TENM2: variants seen among roughly 807,000 people sequenced by gnomAD.
The protein encoded by TENM2 is teneurin transmembrane protein 2.
In TENM2, 52 loss-of-function variants were observed where a neutral mutation model predicts 245.2. That is an observed-to-expected ratio of 0.21 (90% CI 0.17 to 0.27). The LOEUF is 0.27. Ranked by LOEUF, TENM2 falls within the 10% of genes least tolerant of loss-of-function variation. The pLI, the probability that TENM2 is intolerant of heterozygous loss-of-function variation, is 1.00. For synonymous variants in TENM2, 1,363 were observed against 1,438.9 expected (o/e 0.95, Z 1.19); for missense variants, 3,046 against 3,666.8 (o/e 0.83, Z 4.37).
chr5:168,133,598 T>C (rs1225004981), intron 12 of TENM2, among the ~76,000 whole-genome samples: 1 of 152,238 alleles, frequency 6.6e-6, no homozygotes, highest in Non-Finnish European at 1.5e-5. Flanking sequence ...GCCCAGCTGA[T>C]GAGGCATTGT....
At chr5:167,689,684 G>A (rs571861364) in intron 2 of TENM2, among the ~76,000 whole-genome samples, 3 of 152,322 alleles carry the variant, frequency 2.0e-5, no homozygotes, top group East Asian at 1.9e-4. Flanking sequence ...AGTAGGTCCC[G>A]TTTATGCTAA....
At chr5:167,957,573 C>T (rs958585104) in intron 4 of TENM2, among the ~76,000 whole-genome samples, 5 of 152,110 alleles carry the variant, frequency 3.3e-5, no homozygotes, top group African/African-American at 7.2e-5. Flanking sequence ...GTTAGGGTGT[C>T]GATTTTAGAT....
chr5:167,663,825 C>G (rs1052912181), intron 2 of TENM2, among the ~76,000 whole-genome samples: 4 of 151,942 alleles, frequency 2.6e-5, no homozygotes, highest in Admixed American at 6.6e-5. Flanking sequence ...TTTATTTTTT[C>G]ACTTGAATGT....
chr5:167,197,908 T>C, the TENM2 span, among the ~76,000 whole-genome samples: 1 of 151,392 alleles, frequency 6.6e-6, no homozygotes, highest in South Asian at 2.1e-4. Flanking sequence ...TATATACACA[T>C]ATAGAGAGAG....
At chr5:168,152,813 A>G (rs992127899) in intron 12 of TENM2, among the ~76,000 whole-genome samples, 8 of 152,182 alleles carry the variant, frequency 5.3e-5, no homozygotes, top group Non-Finnish European at 1.0e-4. Context: ...GTCCAGAGGT[A>G]TCTGCTTCTT....
At chr5:168,113,912 C>T (rs764823096) in intron 9 of TENM2, among the ~76,000 whole-genome samples, 9 of 152,186 alleles carry the variant, frequency 5.9e-5, no homozygotes, top group African/African-American at 2.2e-4. Context: ...AGACAGAAAA[C>T]GCTCCACTTT....
At chr5:167,574,466 G>A (rs1336522274) in intron 2 of TENM2, among the ~76,000 whole-genome samples, 4 of 152,162 alleles carry the variant, frequency 2.6e-5, no homozygotes, top group African/African-American at 9.7e-5. Context: ...GGAGGTTTTA[G>A]CAAGGGTAGA....
chr5:167,638,676 A>G (rs999778730), intron 2 of TENM2, among the ~76,000 whole-genome samples: 10 of 152,362 alleles, frequency 6.6e-5, no homozygotes, highest in Admixed American at 2.6e-4. Context: ...TTGCTTTCAA[A>G]TGAATACATC....
intron 25 of TENM2, among the ~76,000 whole-genome samples, chr5:168,238,785 T>C (rs2152671754): frequency 6.6e-6 from 1 of 152,314 alleles, no homozygotes; most frequent in Non-Finnish European, 1.5e-5. Context: ...TCCCAAAGTC[T>C]GCCCTCTGCA....
chr5:167,412,967 C>T (rs1300412105), intron 2 of TENM2, among the ~76,000 whole-genome samples: 1 of 151,906 alleles, frequency 6.6e-6, no homozygotes, highest in Non-Finnish European at 1.5e-5. Context: ...TATTTGAGCC[C>T]CTGCCAAATG....
intron 25 of TENM2, among the ~76,000 whole-genome samples, chr5:168,241,548 C>T (rs1219535885): frequency 6.6e-6 from 1 of 151,906 alleles, no homozygotes; most frequent in Non-Finnish European, 1.5e-5. Context: ...AGACATGAGC[C>T]ACACGCACCT....
intron 2 of TENM2, among the ~76,000 whole-genome samples, chr5:167,872,499 A>AGAAAGAAG (rs1772992261): frequency 7.6e-5 from 1 of 13,226 alleles, no homozygotes; most frequent in African/African-American, 1.2e-4. Flanking sequence ...AAAGAAAGAA[A>AGAAAGAAG]GAAAGAAAGA....
intron 2 of TENM2, among the ~76,000 whole-genome samples, chr5:167,843,453 G>A (rs1488684915): frequency 6.6e-6 from 1 of 152,062 alleles, no homozygotes; most frequent in African/African-American, 2.4e-5. Flanking sequence ...CAGTTAAACT[G>A]TCTGTTACTA....
intron 2 of TENM2, among the ~76,000 whole-genome samples, chr5:167,586,266 G>A (rs983748858): frequency 2.6e-5 from 4 of 152,190 alleles, no homozygotes; most frequent in Non-Finnish European, 2.9e-5. Context: ...ATGGGAGGAA[G>A]TATGTAGGTT....
chr5:168,162,031 C>A (rs1189159455), intron 12 of TENM2, among the ~76,000 whole-genome samples: 1 of 152,156 alleles, frequency 6.6e-6, no homozygotes, highest in Non-Finnish European at 1.5e-5. Flanking sequence ...AAGCAGCCAA[C>A]ATCTTTAAGT....
chr5:167,876,190 G>C (rs1200695675), exon 3 of TENM2: 2 of 1,550,924 alleles, frequency 1.3e-6, no homozygotes, highest in Non-Finnish European at 1.7e-6. Context: ...CAAGCCTCCA[G>C]CAGTGGTAAG....
At position 167,970,325 on chromosome 5, in the gene TENM2, C is replaced by T. The variant is rs192477832; in HGVS notation, c.947+17503C>T. Among the ~76,000 whole-genome samples, 18 of 152,308 alleles carry T rather than the reference C, an allele frequency of 1.2e-4. No individual in the cohort carries two copies. The East Asian group carries it at 3.3e-3, about 28-fold the overall frequency. ...ATGCATTTTAACTTTTATTAGTCTC[C>T]TGACATCTCTTTTAAGCTATCATCT... On this transcript the variant is annotated intron_variant, in intron 4 of 28. Coordinates refer to ENST00000518659, the Ensembl canonical transcript of TENM2.
intron 12 of TENM2, among the ~76,000 whole-genome samples, chr5:168,148,873 TGATA>T (rs752440206): frequency 0.086 from 12,367 of 143,950 alleles, 559 homozygotes; most frequent in Middle Eastern, 0.13. Context: ...TAAATATATA[TGATA>T]GATAGATAGA....
At chr5:167,959,289 G>A (rs1780816859) in intron 4 of TENM2, among the ~76,000 whole-genome samples, 1 of 151,302 alleles carries the variant, frequency 6.6e-6, no homozygotes, top group African/African-American at 2.4e-5. Context: ...CCGCCTCCCA[G>A]GTTCACGCCA....
Sources: allele counts gnomAD v4.1 joint callset (sites outside exome capture counted in the v4.1 genomes callset), GRCh38; gene constraint gnomAD v4.1.1; transcripts MANE v1.5; gene names NCBI Gene and HGNC (gene_info 2026-07-23, HGNC 2026-07-21).